Variants in CCDC148 observed in about 807,000 individuals in gnomAD.
The protein encoded by CCDC148 is coiled-coil domain-containing protein 148.
CCDC148 carries 89 observed loss-of-function variants against 85.7 expected under a neutral mutation model. That is an observed-to-expected ratio of 1.04 (90% confidence interval 0.87 to 1.24). The LOEUF is 1.24. Among genes scored for constraint, CCDC148 ranks in the 50% most tolerant of loss-of-function variants. CCDC148 has a pLI of 0.00. For synonymous variants in CCDC148, 230 were observed against 213.9 expected, an observed-to-expected ratio of 1.08 and a Z score of -0.66; for missense variants, 692 against 671.7, an observed-to-expected ratio of 1.03 and a Z score of -0.33.
intron 1 of CCDC148, among the ~76,000 whole-genome samples, chr2:158,384,302 T>G (rs1234040368): frequency 6.6e-6 from 1 of 152,200 alleles, no homozygotes; most frequent in East Asian, 1.9e-4. Context: ...TGTTCATATC[T>G]GCATAGATTT....
chr2:158,436,234 A>T (rs925047406), intron 1 of CCDC148, among the ~76,000 whole-genome samples: 5 of 152,094 alleles, frequency 3.3e-5, no homozygotes, highest in South Asian at 2.1e-4. Flanking sequence ...GAAGTAAAGC[A>T]CTCCTCAGCA....
rs1460534755 is a variant in CCDC148 at position 158,176,522 on chromosome 2, T to G, written c.1628A>C (p.Gln543Pro). 3.7e-6 allele frequency: 6 copies of G among 1,610,380 alleles called. No homozygotes were observed. In the Admixed American group the frequency reaches 6.7e-5, roughly 18 times the overall value. The change falls in exon 13 of 14, where the codon CAG becomes CCG. Residue 543 changes from glutamine (Q) to proline (P), a missense_variant and splice_region_variant. Gln to Pro is a moderately conservative substitution (Grantham distance 76, BLOSUM62 -1). Transcript: ENST00000283233. ...AGTCATGCTAATTTCCATAATTACC[T>G]GCTGTTCATTGTATGTATTCAATGT... ...LFTLNTYNEQ[Q>P]IISDPRLRFE...
rs758917400 is a variant in CCDC148 at position 158,250,771 on chromosome 2, CT to C, written c.1251del (p.Ile418Ter). On this transcript the variant is annotated frameshift_variant and splice_region_variant, in exon 10 of 14. Coordinates refer to ENST00000283233, the MANE Select transcript of CCDC148 (RefSeq NM_138803.4). LOFTEE classifies it high-confidence loss of function. ...ATTCGTATTGACAATAGATTTTTTA[CT>C]TTTTTTTTCTTCTCTGCTCTTTGCA... is the stretch of plus-strand genomic sequence containing the variant. ...ELLQRAEKKK[K>X]IKKYWAKKKQ... 7.6e-5 allele frequency: 117 copies of C among 1,534,692 alleles called. No homozygotes were observed. The highest frequency in any genetic ancestry group is 1.7e-4 in the Middle Eastern group (1 of 5,896).
intron 1 of CCDC148, among the ~76,000 whole-genome samples, chr2:158,448,809 TTTGTTG>T (rs916503877): frequency 6.6e-6 from 1 of 151,980 alleles, no homozygotes; most frequent in Non-Finnish European, 1.5e-5. Context: ...GAATTGGGTT[TTTGTTG>T]TTGTTGTTGT....
intron 11 of CCDC148, among the ~76,000 whole-genome samples, chr2:158,187,367 G>C (rs1217336241): frequency 6.6e-6 from 1 of 151,768 alleles, no homozygotes; most frequent in Non-Finnish European, 1.5e-5. Flanking sequence ...TTATTCAAAT[G>C]GGGTGGAGGG....
At chr2:158,405,494 T>C (rs780042040) in intron 1 of CCDC148, among the ~76,000 whole-genome samples, 14 of 152,058 alleles carry the variant, frequency 9.2e-5, no homozygotes, top group Non-Finnish European at 1.9e-4. Flanking sequence ...AATAAAGACA[T>C]AGACACAAAT....
chr2:158,340,358 T>A lies in CCDC148; in HGVS notation c.370A>T (p.Lys124Ter). 6.2e-7 allele frequency: 1 copy of A among 1,613,958 alleles called. No homozygotes were observed. Among genetic ancestry groups the A allele is most frequent in the Non-Finnish European group, 8.5e-7 (1 of 1,179,932 alleles). ...TGCTGAATAGGATTTATTACATTTTTAAGATATGTGCACTGTTGTTCTGAT... is the reference window on the plus strand; with the variant it reads ...TGCTGAATAGGATTTATTACATTTTAAAGATATGTGCACTGTTGTTCTGAT... Reference protein sequence around the residue: ...ELSEQQCTYLKNVINPIQQLR... With the variant: ...ELSEQQCTYL The change falls in exon 5 of 14, where the codon AAA becomes TAA. Residue 124 changes from lysine to a stop codon, truncating the protein, a stop_gained. Transcript: ENST00000283233. LOFTEE classifies it high-confidence loss of function.
intron 9 of CCDC148, among the ~76,000 whole-genome samples, chr2:158,293,759 G>T (rs1409079376): frequency 2.0e-5 from 3 of 152,260 alleles, no homozygotes; most frequent in Admixed American, 2.0e-4. Flanking sequence ...CTCATCCCTG[G>T]AGTCTGCTAG....
intron 10 of CCDC148, among the ~76,000 whole-genome samples, chr2:158,222,213 A>G (rs1261042089): frequency 5.9e-5 from 9 of 152,182 alleles, no homozygotes; most frequent in Non-Finnish European, 1.2e-4. Flanking sequence ...CCTTACTCCC[A>G]GCACTGGCCT....
In CCDC148 at chr2:158,341,309, A is replaced by AT. The variant is rs10552652; in HGVS notation, c.252-630dup. 3.2e-3 allele frequency among the ~76,000 whole-genome samples: 441 copies of AT among 138,780 alleles called. 3 individuals are homozygous for AT. Among genetic ancestry groups the AT allele is most frequent in the African/African-American group, 0.01 (391 of 38,150 alleles). 91.0% of individuals were successfully genotyped at this position (138,780 alleles called of 152,430 possible). On this transcript the variant is annotated intron_variant, in intron 3 of 13. Coordinates refer to ENST00000283233, the MANE Select transcript of CCDC148 (RefSeq NM_138803.4). The stretch of plus-strand genomic sequence containing the variant: ...TATGTATACATATGTGTACATACAT[A>AT]TTTTTTTTTTTTTTTTGGACTGAGT...
rs1017288670 is a variant in CCDC148 at position 158,413,389 on chromosome 2, C to T, written c.25+43026G>A. On this transcript the variant is annotated intron_variant, in intron 1 of 13. Coordinates refer to ENST00000283233, the MANE Select transcript of CCDC148 (RefSeq NM_138803.4). ...CTCTACAGTGCCATTTTAATAAAAA[C>T]CTACTGGGAGGAAATCTCTTTATAA... Among the ~76,000 whole-genome samples, 8 of 152,040 alleles carry T rather than the reference C, an allele frequency of 5.3e-5. No homozygotes were observed. The East Asian group carries it at 1.3e-3, about 26-fold the overall frequency.
At chr2:158,413,210 A>G (rs1057096985) in intron 1 of CCDC148, among the ~76,000 whole-genome samples, 6 of 152,170 alleles carry the variant, frequency 3.9e-5, no homozygotes, top group Non-Finnish European at 7.4e-5. Flanking sequence ...TGTTAAAAGA[A>G]GCAGCAGGTG....
intron 1 of CCDC148, among the ~76,000 whole-genome samples, chr2:158,417,706 A>T (rs184838147): frequency 2.2e-4 from 34 of 152,190 alleles, no homozygotes; most frequent in Admixed American, 1.2e-3. Context: ...CTCCCCCATA[A>T]ATTAAGCTTG....
chr2:158,348,056 G>A (rs1174656584), intron 2 of CCDC148, among the ~76,000 whole-genome samples: 2 of 151,988 alleles, frequency 1.3e-5, no homozygotes, highest in African/African-American at 4.8e-5. Context: ...CCATAGAAGG[G>A]AATTTGGAGA....
intron 11 of CCDC148, among the ~76,000 whole-genome samples, chr2:158,182,118 C>T (rs1005481726): frequency 8.6e-5 from 13 of 151,994 alleles, no homozygotes; most frequent in Non-Finnish European, 1.9e-4. Context: ...ACATGAGAAA[C>T]AGGGAGGTGA....
intron 2 of CCDC148, among the ~76,000 whole-genome samples, chr2:158,357,893 T>C (rs1683743642): frequency 6.6e-6 from 1 of 152,204 alleles, no homozygotes; most frequent in Admixed American, 6.5e-5. Flanking sequence ...CAATGAACGC[T>C]ATTATTTGCA....
At chr2:158,247,534 C>T (rs934950116) in intron 10 of CCDC148, among the ~76,000 whole-genome samples, 5 of 152,116 alleles carry the variant, frequency 3.3e-5, no homozygotes, top group African/African-American at 1.2e-4. Flanking sequence ...TGGATAAATG[C>T]TAGCTCACTT....
chr2:158,179,073 C>T, intron 11 of CCDC148, 77 bp from the exon 12 acceptor site: 1 of 1,004,556 alleles, frequency 1.0e-6, no homozygotes, highest in South Asian at 1.4e-5. Context: ...AGCATAGGGG[C>T]AGAACACATC....
intron 9 of CCDC148, among the ~76,000 whole-genome samples, chr2:158,282,078 C>T (rs1358612673): frequency 9.2e-5 from 14 of 151,522 alleles, no homozygotes; most frequent in Admixed American, 2.0e-4. Context: ...AATTCAACAA[C>T]GCTTCATGCT....
Sources: allele counts gnomAD v4.1 joint callset (sites outside exome capture counted in the v4.1 genomes callset), GRCh38; gene constraint gnomAD v4.1.1; transcripts MANE v1.5; gene names NCBI Gene and HGNC (gene_info 2026-07-23, HGNC 2026-07-21).